DNMBP: variants seen among roughly 807,000 people sequenced by gnomAD.
DNMBP encodes dynamin binding protein, also known as dynamin-binding protein.
Under a neutral mutation model 150.0 loss-of-function variants are expected in DNMBP, and 87 were observed. The ratio of observed to expected loss-of-function variants is 0.58; its 90% CI spans 0.49 to 0.69. DNMBP has a LOEUF of 0.69. Among genes scored for constraint, DNMBP ranks in the 30% least tolerant of loss-of-function variants. DNMBP has a pLI of 0.00. For missense variants in DNMBP, 1,774 were observed against 1,949.0 expected (o/e 0.91, Z 1.69); for synonymous variants, 711 against 750.4 (o/e 0.95, Z 0.86).
chr10:99,952,958 C>T (rs2040440635), intron 4 of DNMBP, among the ~76,000 whole-genome samples: 1 of 152,108 alleles, frequency 6.6e-6, no homozygotes, highest in Admixed American at 6.5e-5. Flanking sequence ...ATTGACTTTC[C>T]TGATGACACA....
Position 100,005,764 on chromosome 10 carries a change from C to CAAAA in DNMBP, c.-11+4070_-11+4073dup, listed in dbSNP as rs760685767. ...GTGAGACTCTTGTCTCAAAAGTCTC[C>CAAAA]AAAAAAAAAAAAAAAAAAAACCAAA... On this transcript the variant is annotated intron_variant, in intron 1 of 16. Coordinates refer to ENST00000324109, the MANE Select transcript of DNMBP (RefSeq NM_015221.4). 2.1e-4 allele frequency among the ~76,000 whole-genome samples: 8 copies of CAAAA among 37,984 alleles called. 1 individual carries two copies. The highest frequency in any genetic ancestry group is 6.1e-4 in the African/African-American group (6 of 9,888). 24.9% of individuals were successfully genotyped at this position (37,984 alleles called of 152,430 possible).
chr10:99,891,768 G>A (rs2039566903), intron 11 of DNMBP, among the ~76,000 whole-genome samples: 2 of 150,866 alleles, frequency 1.3e-5, no homozygotes, highest in African/African-American at 2.5e-5. Flanking sequence ...AGGAAGTGAG[G>A]AGCGTCTCTG....
At chr10:99,984,796 C>T (rs551634069) in intron 1 of DNMBP, among the ~76,000 whole-genome samples, 5 of 152,276 alleles carry the variant, frequency 3.3e-5, no homozygotes, top group East Asian at 1.9e-4. Flanking sequence ...GTGATGATCA[C>T]GGCTCACTGC....
intron 3 of DNMBP, among the ~76,000 whole-genome samples, chr10:99,960,463 G>A (rs2040552021): frequency 6.6e-6 from 1 of 152,104 alleles, no homozygotes; most frequent in South Asian, 2.1e-4. Context: ...AAGCACATTG[G>A]AAAACTGGGT....
intron 1 of DNMBP, among the ~76,000 whole-genome samples, chr10:99,973,289 GAACAA>G (rs1033819940): frequency 1.7e-4 from 26 of 151,882 alleles, no homozygotes; most frequent in African/African-American, 6.3e-4. Flanking sequence ...AGGAATTCAG[GAACAA>G]AACAAAACAA....
intron 1 of DNMBP, among the ~76,000 whole-genome samples, chr10:100,000,971 G>A (rs370678155): frequency 1.4e-3 from 214 of 149,206 alleles, no homozygotes; most frequent in African/African-American, 4.2e-3. Flanking sequence ...GGTGGCTCAC[G>A]CCTGTAATCC....
chr10:99,959,512 C>A (rs78020819), intron 3 of DNMBP, among the ~76,000 whole-genome samples: 1 of 151,668 alleles, frequency 6.6e-6, no homozygotes, highest in South Asian at 2.1e-4. Flanking sequence ...ACAAAAAAAC[C>A]ACCCAAAAAA....
intron 4 of DNMBP, among the ~76,000 whole-genome samples, chr10:99,949,600 C>T (rs922044577): frequency 3.3e-5 from 5 of 152,088 alleles, no homozygotes; most frequent in Admixed American, 2.0e-4. Context: ...TAGATATTAT[C>T]AAAACACCTT....
chr10:99,953,709 A>G (rs1396132833), intron 4 of DNMBP, among the ~76,000 whole-genome samples: 2 of 151,484 alleles, frequency 1.3e-5, no homozygotes, highest in Non-Finnish European at 2.9e-5. Context: ...AATCTCAGCT[A>G]TTCAGGAGGC....
intron 15 of DNMBP, among the ~76,000 whole-genome samples, chr10:99,883,499 A>G (rs1011288229): frequency 6.6e-6 from 1 of 151,898 alleles, no homozygotes; most frequent in Non-Finnish European, 1.5e-5. Context: ...CGTAATATCT[A>G]TAAAATTATT....
chr10:99,911,930 C>T (rs188236652), intron 4 of DNMBP, among the ~76,000 whole-genome samples: 5 of 152,210 alleles, frequency 3.3e-5, no homozygotes, highest in Non-Finnish European at 7.4e-5. Flanking sequence ...CTCATTAGTG[C>T]CAAGTTGAGA....
intron 1 of DNMBP, among the ~76,000 whole-genome samples, chr10:99,988,658 T>A (rs2040853260): frequency 6.6e-6 from 1 of 151,832 alleles, no homozygotes; most frequent in African/African-American, 2.4e-5. Flanking sequence ...ATTTTTATTT[T>A]TATTTATTTA....
At chr10:99,941,246 T>C (rs1239354323) in intron 4 of DNMBP, among the ~76,000 whole-genome samples, 1 of 152,188 alleles carries the variant, frequency 6.6e-6, no homozygotes, top group East Asian at 1.9e-4. Context: ...GCTGGTTGCT[T>C]CTTCTTTGCT....
intron 14 of DNMBP, among the ~76,000 whole-genome samples, chr10:99,885,429 T>G (rs2039441152): frequency 1.3e-5 from 2 of 151,994 alleles, no homozygotes; most frequent in South Asian, 4.1e-4. Flanking sequence ...AGAATTCACT[T>G]GAACCCAGAA....
At chr10:99,992,006 G>GA (rs34221976) in intron 1 of DNMBP, among the ~76,000 whole-genome samples, 69,193 of 151,328 alleles carry the variant, frequency 0.46, 16,580 homozygotes, top group African/African-American at 0.6. Flanking sequence ...AGGAGGCCAA[G>GA]GGGGCAGATG....
chr10:99,906,221 A>G (rs1048537680), intron 6 of DNMBP, among the ~76,000 whole-genome samples: 3 of 151,984 alleles, frequency 2.0e-5, no homozygotes, highest in Non-Finnish European at 4.4e-5. Flanking sequence ...GTCATGACCC[A>G]TTCCCCTTTC....
chr10:100,002,128 G>T (rs2133390077), intron 1 of DNMBP, among the ~76,000 whole-genome samples: 1 of 152,244 alleles, frequency 6.6e-6, no homozygotes, highest in South Asian at 2.1e-4. Context: ...ATGATATAGT[G>T]CAATGTTAAG....
intron 1 of DNMBP, among the ~76,000 whole-genome samples, chr10:99,993,919 C>A (rs975133928): frequency 2.0e-5 from 3 of 152,186 alleles, no homozygotes; most frequent in Non-Finnish European, 4.4e-5. Context: ...CACCTCCCCT[C>A]CCCTACAAAG....
At chr10:99,932,593 G>A (rs2040172282) in intron 4 of DNMBP, among the ~76,000 whole-genome samples, 1 of 150,192 alleles carries the variant, frequency 6.7e-6, no homozygotes, top group Non-Finnish European at 1.5e-5. Context: ...AGGAGTCCGT[G>A]AGGAACCCAG....
Sources: allele counts gnomAD v4.1 joint callset (sites outside exome capture counted in the v4.1 genomes callset), GRCh38; gene constraint gnomAD v4.1.1; transcripts MANE v1.5; gene names NCBI Gene and HGNC (gene_info 2026-07-23, HGNC 2026-07-21).